The following FHIT variants were observed in gnomAD, a reference collection of about 807,000 sequenced individuals.
FHIT encodes the protein fragile histidine triad diadenosine triphosphatase.
A neutral mutation model predicts 17.9 loss-of-function variants in FHIT; 19 were observed. The observed-to-expected ratio is 1.06, with a 90% confidence interval of 0.74 to 1.56. The LOEUF (loss-of-function observed/expected upper bound fraction) is 1.56. Among genes scored for constraint, FHIT ranks in the 40% most tolerant of loss-of-function variants. FHIT has a pLI of 0.00. For missense variants in FHIT, 248 were observed against 189.2 expected, an observed-to-expected ratio of 1.31 and a Z score of -1.82; for synonymous variants, 81 against 69.7, an observed-to-expected ratio of 1.16 and a Z score of -0.81.
chr3:59,873,173 AG>A (rs763062175), intron 8 of FHIT, among the ~76,000 whole-genome samples: 41 of 152,148 alleles, frequency 2.7e-4, no homozygotes, highest in Non-Finnish European at 5.1e-4. Context: ...CCTCATCTCC[AG>A]TAATTATCCA....
intron 4 of FHIT, among the ~76,000 whole-genome samples, chr3:60,614,820 G>GTTTTTTTTTTT: frequency 1.7e-5 from 1 of 58,858 alleles, no homozygotes; most frequent in Non-Finnish European, 4.0e-5. Flanking sequence ...TTTTTTTTTT[G>GTTTTTTTTTTT]TTTTTTTTTT....
chr3:61,066,940 T>C (rs951415133), intron 2 of FHIT, among the ~76,000 whole-genome samples: 5 of 152,224 alleles, frequency 3.3e-5, no homozygotes, highest in Non-Finnish European at 7.3e-5. Context: ...GTCCATCTGA[T>C]AGAAGGCTGT....
At chr3:60,930,246 C>A (rs1454774387) in intron 3 of FHIT, among the ~76,000 whole-genome samples, 1 of 152,042 alleles carries the variant, frequency 6.6e-6, no homozygotes, top group African/African-American at 2.4e-5. Flanking sequence ...AATGTTAGAC[C>A]TAAAACCATA....
chr3:59,913,302 T>C (rs573505320), intron 8 of FHIT, among the ~76,000 whole-genome samples: 1 of 152,280 alleles, frequency 6.6e-6, no homozygotes, highest in Admixed American at 6.5e-5. Flanking sequence ...AGAAAATCGC[T>C]TTTCTCCCTA....
intron 7 of FHIT, among the ~76,000 whole-genome samples, chr3:59,955,266 G>C (rs1239736070): frequency 6.6e-6 from 1 of 152,168 alleles, no homozygotes; most frequent in Admixed American, 6.5e-5. Context: ...CTGGCACAAA[G>C]GGGCTGCTCC....
At chr3:60,916,185 A>G (rs1706992644) in intron 3 of FHIT, among the ~76,000 whole-genome samples, 1 of 152,194 alleles carries the variant, frequency 6.6e-6, no homozygotes, top group South Asian at 2.1e-4. Context: ...GCTGTTTTTA[A>G]TCATTTGTTG....
intron 8 of FHIT, among the ~76,000 whole-genome samples, chr3:59,768,676 G>A (rs1300709578): frequency 6.6e-6 from 1 of 152,160 alleles, no homozygotes; most frequent in African/African-American, 2.4e-5. Context: ...TAAAACCAAA[G>A]CTAGGCACAT....
intron 5 of FHIT, among the ~76,000 whole-genome samples, chr3:60,368,033 A>G (rs1216931336): frequency 2.0e-5 from 3 of 152,148 alleles, no homozygotes; most frequent in East Asian, 1.9e-4. Context: ...CCAACATTTT[A>G]TCTATGCTTT....
Position 60,050,158 on chromosome 3 carries a change from T to C in FHIT, c.104-36006A>G, listed in dbSNP as rs891042676. Among the ~76,000 whole-genome samples, 20 of 152,226 alleles carry C rather than the reference T, an allele frequency of 1.3e-4. 1 individual carries two copies. In the East Asian group the frequency reaches 3.5e-3, roughly 26 times the overall value. On this transcript the variant is annotated intron_variant, in intron 5 of 9. Transcript: ENST00000492590. ...ACCAATTAGTAGAAGTAAAAAGATA[T>C]ATTCCCAGTATAAATCTCTTGTCCA...
intron 5 of FHIT, among the ~76,000 whole-genome samples, chr3:60,027,108 GACACACACACACAC>G (rs754046097): frequency 9.1e-5 from 8 of 88,050 alleles, no homozygotes; most frequent in African/African-American, 1.7e-4. Context: ...TTCACACACA[GACACACACACACAC>G]ACACACACAC....
chr3:59,890,373 T>C (rs1703803417), intron 8 of FHIT, among the ~76,000 whole-genome samples: 5 of 152,112 alleles, frequency 3.3e-5, no homozygotes, highest in Admixed American at 2.6e-4. Context: ...TTTTTCAGAT[T>C]GCCTAGAGGG....
At chr3:61,066,684 G>C (rs778467763) in intron 2 of FHIT, among the ~76,000 whole-genome samples, 1 of 152,158 alleles carries the variant, frequency 6.6e-6, no homozygotes, top group Non-Finnish European at 1.5e-5. Context: ...CTGCACCCCA[G>C]TTGGCAGCAA....
chr3:60,474,718 GGTT>G (rs2033259420), intron 5 of FHIT, among the ~76,000 whole-genome samples: 1 of 151,910 alleles, frequency 6.6e-6, no homozygotes, highest in African/African-American at 2.4e-5. Flanking sequence ...CTGCCTCCCG[GGTT>G]CAAGAGATTC....
intron 4 of FHIT, among the ~76,000 whole-genome samples, chr3:60,748,775 G>A (rs535732523): frequency 1.3e-5 from 2 of 152,202 alleles, no homozygotes; most frequent in African/African-American, 4.8e-5. Context: ...TTGAGCCACT[G>A]GACTCCAGCC....
intron 3 of FHIT, among the ~76,000 whole-genome samples, chr3:60,906,774 A>AT (rs797024238): frequency 1.3e-5 from 2 of 152,076 alleles, no homozygotes; most frequent in African/African-American, 4.8e-5. Flanking sequence ...TAATTTGTGT[A>AT]TTTTTTTGTA....
intron 2 of FHIT, among the ~76,000 whole-genome samples, chr3:61,061,241 A>G (rs2034418697): frequency 1.3e-5 from 2 of 152,076 alleles, no homozygotes; most frequent in Admixed American, 6.6e-5. Flanking sequence ...GAGTCTCCCA[A>G]TCTGCTAGTT....
intron 5 of FHIT, among the ~76,000 whole-genome samples, chr3:60,264,641 T>C (rs1706476884): frequency 6.6e-6 from 1 of 151,906 alleles, no homozygotes; most frequent in South Asian, 2.1e-4. Flanking sequence ...CATTTAGAAG[T>C]CCTTCGAAAG....
intron 1 of FHIT, among the ~76,000 whole-genome samples, chr3:61,239,782 T>TATATATATATATATATATAC (rs895030251): frequency 5.6e-5 from 8 of 144,030 alleles, no homozygotes; most frequent in Admixed American, 2.1e-4. Context: ...TATATATATA[T>TATATATATATATATATATAC]ATACACAAAT....
At chr3:60,441,808 A>ATATT (rs2030901108) in intron 5 of FHIT, among the ~76,000 whole-genome samples, 1 of 100,122 alleles carries the variant, frequency 1.0e-5, no homozygotes, top group East Asian at 2.8e-4. Context: ...ATATATATAT[A>ATATT]TATATATCAG....
Sources: allele counts gnomAD v4.1 joint callset (sites outside exome capture counted in the v4.1 genomes callset), GRCh38; gene constraint gnomAD v4.1.1; transcripts MANE v1.5; gene names NCBI Gene and HGNC (gene_info 2026-07-23, HGNC 2026-07-21).